The following PTPRD variants were observed in gnomAD, a reference collection of about 807,000 sequenced individuals.
PTPRD encodes the protein protein tyrosine phosphatase receptor type D, also known as receptor-type tyrosine-protein phosphatase delta.
Under a neutral mutation model 214.5 loss-of-function variants are expected in PTPRD, and 34 were observed. The observed-to-expected ratio is 0.16, with a 90% CI of 0.12 to 0.21. PTPRD has a LOEUF of 0.21. Ranked by LOEUF, PTPRD falls within the 10% of genes least tolerant of loss-of-function variation. The pLI, the probability that PTPRD is intolerant of heterozygous loss-of-function variation, is 1.00. For synonymous variants in PTPRD, 1,128 were observed against 845.7 expected (o/e 1.33, Z -5.79); for missense variants, 2,545 against 2,398.7 (o/e 1.06, Z -1.27).
rs556448257 is a variant in PTPRD, at chr9:9,873,398, C to T, written c.-368+65109G>A. ...CACAAAGCATGGTCAATATATTTCC[C>T]ATCCATTTACAAAAAAAAATAATTA... On this transcript the variant is annotated intron_variant, in intron 5 of 45. Coordinates refer to ENST00000381196, the MANE Select transcript of PTPRD (RefSeq NM_002839.4). Among the ~76,000 whole-genome samples the T allele has an allele frequency of 7.3e-5, 11 of 150,318 alleles. No homozygotes were observed. In the South Asian group the frequency reaches 2.3e-3, roughly 31 times the overall value.
chr9:9,545,398 C>T (rs924253232), intron 8 of PTPRD, among the ~76,000 whole-genome samples: 1 of 151,776 alleles, frequency 6.6e-6, no homozygotes, highest in African/African-American at 2.4e-5. Context: ...TTGAATCATA[C>T]AATATGTAGC....
At chr9:9,751,568 A>G (rs551971079) in intron 6 of PTPRD, among the ~76,000 whole-genome samples, 1 of 152,312 alleles carries the variant, frequency 6.6e-6, no homozygotes, top group East Asian at 1.9e-4. Context: ...TCAAATTAAA[A>G]TGAGGTCATG....
intron 11 of PTPRD, among the ~76,000 whole-genome samples, chr9:8,950,106 A>G (rs2099093434): frequency 6.6e-6 from 1 of 152,192 alleles, no homozygotes; most frequent in Non-Finnish European, 1.5e-5. Context: ...GTCTATTTAC[A>G]AGTGACTTGG....
chr9:10,107,450 C>T (rs886913145), intron 3 of PTPRD, among the ~76,000 whole-genome samples: 8 of 151,996 alleles, frequency 5.3e-5, no homozygotes, highest in Non-Finnish European at 7.4e-5. Context: ...CTGGAATTGC[C>T]GTTAGAATGA....
intron 2 of PTPRD, among the ~76,000 whole-genome samples, chr9:10,612,119 A>G (rs919199256): frequency 2.0e-5 from 3 of 150,874 alleles, no homozygotes; most frequent in African/African-American, 7.3e-5. Flanking sequence ...CAGGCTTCCA[A>G]TAGCCCTTGA....
intron 11 of PTPRD, among the ~76,000 whole-genome samples, chr9:8,751,520 A>G (rs1232897112): frequency 6.6e-6 from 1 of 152,224 alleles, no homozygotes; most frequent in Non-Finnish European, 1.5e-5. Context: ...CTAATACCCA[A>G]TAGTACACTG....
chr9:10,331,802 C>A (rs1475564940), intron 3 of PTPRD, among the ~76,000 whole-genome samples: 1 of 151,760 alleles, frequency 6.6e-6, no homozygotes, highest in Non-Finnish European at 1.5e-5. Flanking sequence ...TGAAAAAATA[C>A]CTCTTAGATA....
At position 8,567,603 on chromosome 9, in the gene PTPRD, T is replaced by C. The variant is rs201160944; in HGVS notation, c.353-38824A>G. On this transcript the variant is annotated intron_variant, in intron 14 of 45. Coordinates refer to ENST00000381196, the MANE Select transcript of PTPRD (RefSeq NM_002839.4). ...GCCACAGTGGCTGCTCAATATTTTA[T>C]GAATAAATGAATTCAGTTATATTTG... Among the ~76,000 whole-genome samples, 20 of 152,312 alleles carry C rather than the reference T, an allele frequency of 1.3e-4. No individual in the cohort carries two copies. In the East Asian group the frequency reaches 3.7e-3, roughly 28 times the overall value.
At chr9:10,220,337 T>C (rs2154348474) in intron 3 of PTPRD, among the ~76,000 whole-genome samples, 1 of 152,056 alleles carries the variant, frequency 6.6e-6, no homozygotes, top group African/African-American at 2.4e-5. Context: ...CCCTAGAAAC[T>C]ATTTGGTGAA....
chr9:8,695,324 G>T (rs1235746976), intron 12 of PTPRD, among the ~76,000 whole-genome samples: 2 of 152,110 alleles, frequency 1.3e-5, no homozygotes, highest in African/African-American at 4.8e-5. Context: ...GCATCACTTA[G>T]CAGGAAACTG....
chr9:8,835,738 A>G (rs985807000), intron 11 of PTPRD, among the ~76,000 whole-genome samples: 2 of 151,974 alleles, frequency 1.3e-5, no homozygotes, highest in South Asian at 4.2e-4. Flanking sequence ...GGGTCTCTCT[A>G]TGCTGCCCAG....
intron 11 of PTPRD, among the ~76,000 whole-genome samples, chr9:8,937,629 T>C (rs1469585635): frequency 2.5e-4 from 38 of 152,192 alleles, no homozygotes; most frequent in Admixed American, 2.5e-3. Context: ...TGTTTTTCTC[T>C]AACCTTGACT....
chr9:10,328,310 T>C (rs924927828), intron 3 of PTPRD, among the ~76,000 whole-genome samples: 11 of 151,804 alleles, frequency 7.2e-5, no homozygotes, highest in South Asian at 2.1e-4. Flanking sequence ...TTCATGATCA[T>C]GTGTATTGAA....
intron 35 of PTPRD, among the ~76,000 whole-genome samples, chr9:8,429,093 T>A (rs185742683): frequency 1.1e-3 from 164 of 152,326 alleles, no homozygotes; most frequent in African/African-American, 3.6e-3. Context: ...CCAGGAATAG[T>A]CATGCAATGG....
chr9:9,833,881 T>C (rs991589024), intron 5 of PTPRD, among the ~76,000 whole-genome samples: 5 of 152,094 alleles, frequency 3.3e-5, no homozygotes, highest in Non-Finnish European at 7.4e-5. Flanking sequence ...GTTATCCTGT[T>C]CTTTTTTCAG....
intron 6 of PTPRD, among the ~76,000 whole-genome samples, chr9:9,739,599 T>C (rs1170781614): frequency 6.6e-6 from 1 of 152,040 alleles, no homozygotes; most frequent in Non-Finnish European, 1.5e-5. Context: ...CTTGGCAAGT[T>C]GCATCACTGT....
chr9:9,272,012 A>G (rs1354136480), intron 9 of PTPRD, among the ~76,000 whole-genome samples: 1 of 151,286 alleles, frequency 6.6e-6, no homozygotes, highest in Non-Finnish European at 1.5e-5. Flanking sequence ...GAAGCAGGTT[A>G]GCATAGATGA....
intron 23 of PTPRD, among the ~76,000 whole-genome samples, chr9:8,501,625 G>C (rs139572723): frequency 5.4e-4 from 82 of 152,234 alleles, no homozygotes; most frequent in African/African-American, 1.9e-3. Flanking sequence ...ACAAACATAA[G>C]AGGGTTCACT....
intron 2 of PTPRD, among the ~76,000 whole-genome samples, chr9:10,569,915 T>G (rs940286115): frequency 6.6e-6 from 1 of 152,140 alleles, no homozygotes; most frequent in Non-Finnish European, 1.5e-5. Context: ...GTGTTACTCA[T>G]TAGATATACT....
Sources: allele counts gnomAD v4.1 joint callset (sites outside exome capture counted in the v4.1 genomes callset), GRCh38; gene constraint gnomAD v4.1.1; transcripts MANE v1.5; gene names NCBI Gene and HGNC (gene_info 2026-07-23, HGNC 2026-07-21).